The following KIRREL3 variants were observed in gnomAD, a reference collection of about 807,000 sequenced individuals.
KIRREL3 encodes the protein kin of IRRE-like protein 3.
A neutral mutation model predicts 89.7 loss-of-function variants in KIRREL3; 36 were observed. The ratio of observed to expected loss-of-function variants is 0.40; its 90% CI spans 0.31 to 0.53. KIRREL3 has a LOEUF of 0.53. Among genes scored for constraint, KIRREL3 ranks in the 20% least tolerant of loss-of-function variants. The pLI, the probability that KIRREL3 is intolerant of heterozygous loss-of-function variation, is 0.49. For synonymous variants in KIRREL3, 445 were observed against 441.4 expected, an observed-to-expected ratio of 1.01 and a Z score of -0.10; for missense variants, 864 against 1,056.6, an observed-to-expected ratio of 0.82 and a Z score of 2.53.
chr11:126,584,405 C>T (rs1941716707), intron 1 of KIRREL3, among the ~76,000 whole-genome samples: 2 of 152,224 alleles, frequency 1.3e-5, no homozygotes, highest in African/African-American at 4.8e-5. Flanking sequence ...GGTTTGCCCT[C>T]TCTGACTGTA....
At chr11:126,855,020 C>G (rs1007226486) in intron 1 of KIRREL3, among the ~76,000 whole-genome samples, 2 of 152,112 alleles carry the variant, frequency 1.3e-5, no homozygotes, top group African/African-American at 4.8e-5. Context: ...AGCCCCAGCC[C>G]GAAGGCCCAG....
At position 126,492,740 on chromosome 11, in the gene KIRREL3, G is replaced by C. The variant is rs1456868881; in HGVS notation, c.434-19274C>G. ...TAATGGTGAAATATCAAGATGCTGA[G>C]GGGGCTCTGAGCTGGACCGTGCAGG... On this transcript the variant is annotated intron_variant, in intron 4 of 16. Transcript: ENST00000525144. The surrounding 1 kb of genome is among the most constrained non-coding windows in gnomAD (Gnocchi z 4.8). Among the ~76,000 whole-genome samples the C allele has an allele frequency of 4.6e-5, 7 of 152,296 alleles. No homozygotes were observed. The East Asian group carries it at 1.4e-3, about 30-fold the overall frequency.
At chr11:126,850,128 G>A (rs1944294042) in intron 1 of KIRREL3, among the ~76,000 whole-genome samples, 1 of 152,172 alleles carries the variant, frequency 6.6e-6, no homozygotes, top group Non-Finnish European at 1.5e-5. Flanking sequence ...CTGGGGTGAA[G>A]GAGTCAGAGT....
chr11:126,459,939 A>C lies in KIRREL3; in HGVS notation c.742+3218T>G, dbSNP rs1400686866. 6.6e-6 allele frequency among the ~76,000 whole-genome samples: 1 copy of C among 152,176 alleles called. No homozygotes were observed. Among genetic ancestry groups the C allele is most frequent in the Non-Finnish European group, 1.5e-5 (1 of 68,024 alleles). On this transcript the variant is annotated intron_variant, in intron 6 of 16. Coordinates refer to ENST00000525144, the MANE Select transcript of KIRREL3 (RefSeq NM_032531.4). The surrounding 1 kb of genome is among the most constrained non-coding windows in gnomAD (Gnocchi z 4.8). ...GTCTTCCGTTGGGTAACATATGAAG[A>C]CCAAGAGAAACAAACAACAAATGTG...
intron 1 of KIRREL3, among the ~76,000 whole-genome samples, chr11:126,831,417 C>CTA (rs1943602033): frequency 1.1e-5 from 1 of 95,018 alleles, no homozygotes; most frequent in Non-Finnish European, 2.0e-5. Flanking sequence ...CTCTCTGTCT[C>CTA]TCTCTATCTC....
Position 126,521,409 on chromosome 11 carries a change from C to T in KIRREL3, c.339G>A (p.Lys113=), listed in dbSNP as rs1395909653. ...CGTCTTGCAGCTCTGCCCTCAGGAT[C>T]TTCAGGTGGTGCTCCCCTGACAGGT... is the stretch of plus-strand genomic sequence containing the variant. The part of the protein sequence containing the change: ...GNHLSGEHHL[K]ILRAELQDDA... Residue 113 remains lysine (K), a synonymous_variant, in exon 4 of 17, where the codon AAG becomes AAA. Transcript: ENST00000525144. This position sits in a 1 kb window ranked among gnomAD's most constrained non-coding sequence, Gnocchi z 4.1. 6.4e-7 allele frequency: 1 copy of T among 1,574,182 alleles called. No homozygotes were observed. The highest frequency in any genetic ancestry group is 1.2e-5 in the South Asian group (1 of 85,424).
intron 4 of KIRREL3, among the ~76,000 whole-genome samples, chr11:126,511,906 G>T (rs1298807415): frequency 6.6e-6 from 1 of 152,182 alleles, no homozygotes; most frequent in Non-Finnish European, 1.5e-5. Context: ...GCCCTCAGAG[G>T]GCTCCCTGTG....
chr11:126,619,253 G>A (rs558559300), intron 1 of KIRREL3, among the ~76,000 whole-genome samples: 2 of 152,334 alleles, frequency 1.3e-5, no homozygotes, highest in Non-Finnish European at 2.9e-5. Flanking sequence ...AACAGGAGAT[G>A]CCAAAGCTTT....
At position 126,612,684 on chromosome 11, in the gene KIRREL3, T is replaced by C. The variant is rs1443525298; in HGVS notation, c.56-49772A>G. 6.6e-6 allele frequency among the ~76,000 whole-genome samples: 1 copy of C among 152,180 alleles called. No homozygotes were observed. The highest frequency in any genetic ancestry group is 2.4e-5 in the African/African-American group (1 of 41,438). On this transcript the variant is annotated intron_variant, in intron 1 of 16. Coordinates refer to ENST00000525144, the MANE Select transcript of KIRREL3 (RefSeq NM_032531.4). This position sits in a 1 kb window ranked among gnomAD's most constrained non-coding sequence, Gnocchi z 4.5. ...CCATTTCTGTCCCCGTCGGTAGCCA[T>C]TAACCCACTTTCTGCCTCTGTGGAT...
At chr11:126,540,019 T>C (rs1490049466) in intron 2 of KIRREL3, among the ~76,000 whole-genome samples, 3 of 152,342 alleles carry the variant, frequency 2.0e-5, no homozygotes, top group East Asian at 1.9e-4. Flanking sequence ...TTTTGAACCA[T>C]ATCGGGATGG....
At chr11:126,618,787 C>T (rs1351047932) in intron 1 of KIRREL3, among the ~76,000 whole-genome samples, 1 of 152,238 alleles carries the variant, frequency 6.6e-6, no homozygotes, top group Non-Finnish European at 1.5e-5. Context: ...CTTACCTCTT[C>T]AACACAAAGA....
chr11:126,869,433 A>T (rs540819541), intron 1 of KIRREL3, among the ~76,000 whole-genome samples: 1 of 152,040 alleles, frequency 6.6e-6, no homozygotes, highest in South Asian at 2.1e-4. Context: ...CTCTGACATG[A>T]GTTACTGGCA....
intron 1 of KIRREL3, among the ~76,000 whole-genome samples, chr11:126,971,175 G>C (rs1383350986): frequency 6.6e-6 from 1 of 152,068 alleles, no homozygotes; most frequent in Non-Finnish European, 1.5e-5. Context: ...ATGAATTCCA[G>C]AAACAAAACT....
At chr11:126,927,568 T>C (rs2135033213) in intron 1 of KIRREL3, among the ~76,000 whole-genome samples, 1 of 152,352 alleles carries the variant, frequency 6.6e-6, no homozygotes, top group African/African-American at 2.4e-5. Flanking sequence ...TGGTCTACTT[T>C]TACAGAAAAT....
In KIRREL3 at chr11:126,689,555, T is replaced by C. The variant is rs754857470; in HGVS notation, c.56-126643A>G. ...TGCCTTCTTGTCACCTGGCTCTACC[T>C]TACCTTGACACTCCCAAGTGTAGAC... On this transcript the variant is annotated intron_variant, in intron 1 of 16. Transcript: ENST00000525144. The surrounding 1 kb of genome is among the most constrained non-coding windows in gnomAD (Gnocchi z 5.2). Among the ~76,000 whole-genome samples the C allele has an allele frequency of 3.6e-4, 55 of 152,336 alleles. No individual in the cohort carries two copies. The highest frequency in any genetic ancestry group is 6.8e-3 in the Middle Eastern group (2 of 294).
rs144476258 is a variant in KIRREL3, at chr11:126,537,359, A to G, written c.134-10672T>C. Reference sequence around the variant, plus strand: ...ATTACAAGGGATAAAGTGGTCTCATAGAGAAGTCATATAAAGCTTTTCAGG... The same window carrying G: ...ATTACAAGGGATAAAGTGGTCTCATGGAGAAGTCATATAAAGCTTTTCAGG... On this transcript the variant is annotated intron_variant, in intron 2 of 16. Transcript: ENST00000525144. The surrounding 1 kb of genome is among the most constrained non-coding windows in gnomAD (Gnocchi z 4.3). Among the ~76,000 whole-genome samples, 59 of 152,320 alleles carry G rather than the reference A, an allele frequency of 3.9e-4. No individual in the cohort carries two copies. Among genetic ancestry groups the G allele is most frequent in the Non-Finnish European group, 6.5e-4 (44 of 68,030 alleles).
At position 126,965,574 on chromosome 11, in the gene KIRREL3, A is replaced by G. The variant is rs936868883; in HGVS notation, c.55+34881T>C. ...CATTGCCATTTGAATTCACGGATCC[A>G]GTGATCCCTGCTTTTGCATTGTCTC... On this transcript the variant is annotated intron_variant, in intron 1 of 16. Transcript: ENST00000525144. The surrounding 1 kb of genome is among the most constrained non-coding windows in gnomAD (Gnocchi z 4.4). Among the ~76,000 whole-genome samples, 1 of 152,232 alleles carries G rather than the reference A, an allele frequency of 6.6e-6. No homozygotes were observed. The highest frequency in any genetic ancestry group is 2.4e-5 in the African/African-American group (1 of 41,462).
intron 4 of KIRREL3, among the ~76,000 whole-genome samples, chr11:126,514,196 G>A (rs1349802427): frequency 6.6e-6 from 1 of 152,142 alleles, no homozygotes; most frequent in African/African-American, 2.4e-5. Flanking sequence ...AGGAGATAAG[G>A]ATGTTTTCTG....
chr11:126,456,990 T>A (rs1453547194), intron 6 of KIRREL3, among the ~76,000 whole-genome samples: 1 of 152,136 alleles, frequency 6.6e-6, no homozygotes, highest in Admixed American at 6.5e-5. Flanking sequence ...GGGGCTCGCT[T>A]CCTCATTTGA....
Sources: gnomAD v4.1 joint callset for allele counts (sites outside exome capture counted in the v4.1 genomes callset) on GRCh38, gnomAD v4.1.1 for gene constraint, Gnocchi (gnomAD v3.1) non-coding constraint, MANE v1.5 for transcripts, NCBI Gene and HGNC (gene_info 2026-07-23, HGNC 2026-07-21) for gene names.